Variants in ARFGEF2 observed in about 807,000 individuals in gnomAD.
ARFGEF2 encodes ARF guanine nucleotide exchange factor 2, also known as brefeldin A-inhibited guanine nucleotide-exchange protein 2.
Under a neutral mutation model 219.9 loss-of-function variants are expected in ARFGEF2, and 74 were observed. The ratio of observed to expected loss-of-function variants is 0.34; its 90% CI spans 0.28 to 0.41. ARFGEF2 has a LOEUF of 0.41. Among genes scored for constraint, ARFGEF2 ranks in the 10% least tolerant of loss-of-function variants. The probability of loss-of-function intolerance (pLI) is 1.00; values close to 1 mark genes in which losing one functional copy is unlikely to be tolerated. For synonymous variants in ARFGEF2, 733 were observed against 799.2 expected (o/e 0.92, Z 1.40); for missense variants, 1,743 against 2,218.3 (o/e 0.79, Z 4.30).
intron 1 of ARFGEF2, among the ~76,000 whole-genome samples, chr20:48,937,008 C>T (rs902124537): frequency 3.3e-5 from 5 of 152,046 alleles, no homozygotes; most frequent in Admixed American, 1.3e-4. Flanking sequence ...ATCAAGAACC[C>T]AACTTTTAGG....
intron 10 of ARFGEF2, among the ~76,000 whole-genome samples, chr20:48,971,957 G>T (rs1357939923): frequency 6.6e-6 from 1 of 152,122 alleles, no homozygotes; most frequent in African/African-American, 2.4e-5. Context: ...AACCAATATG[G>T]TCTGTCTGCT....
At chr20:49,023,310 T>C (rs1600555692) in intron 35 of ARFGEF2, 129 bp downstream of exon 35, 2 of 1,259,520 alleles carry the variant, frequency 1.6e-6, no homozygotes, top group East Asian at 2.5e-5. Context: ...CAACCTCACA[T>C]TCAGTGATGG....
At chr20:48,949,322 C>T (rs1298606679) in intron 3 of ARFGEF2, among the ~76,000 whole-genome samples, 1 of 152,180 alleles carries the variant, frequency 6.6e-6, no homozygotes, top group African/African-American at 2.4e-5. Context: ...GTTCCTAGAC[C>T]ACCCCACTTG....
At chr20:48,952,148 C>CTTTTTTTTTT (rs11475141) in intron 4 of ARFGEF2, among the ~76,000 whole-genome samples, 1 of 55,450 alleles carries the variant, frequency 1.8e-5, no homozygotes, top group Non-Finnish European at 3.0e-5. Context: ...GAAGTTTGGC[C>CTTTTTTTTTT]TTTTTTTTTT....
intron 25 of ARFGEF2, among the ~76,000 whole-genome samples, chr20:49,003,375 C>T (rs1217422696): frequency 1.3e-5 from 2 of 151,214 alleles, no homozygotes; most frequent in Non-Finnish European, 2.9e-5. Flanking sequence ...GAGGCTGAGG[C>T]GGTTGGATCA....
intron 14 of ARFGEF2, among the ~76,000 whole-genome samples, chr20:48,982,168 G>T (rs2091299863): frequency 6.6e-6 from 1 of 152,158 alleles, no homozygotes; most frequent in African/African-American, 2.4e-5. Flanking sequence ...TGGGGTTTTG[G>T]TGTGGATGTC....
At chr20:49,011,811 C>T in intron 27 of ARFGEF2, 113 bp from the exon 28 acceptor site, 4 of 1,239,882 alleles carry the variant, frequency 3.2e-6, no homozygotes, top group Non-Finnish European at 4.7e-6. Context: ...TAGATTTTCA[C>T]AGTTAATTAT....
intron 25 of ARFGEF2, among the ~76,000 whole-genome samples, chr20:49,000,580 A>G (rs1029731025): frequency 4.6e-5 from 7 of 152,216 alleles, no homozygotes; most frequent in Admixed American, 6.5e-5. Context: ...AATTGGACCA[A>G]TTGAAATAAT....
In ARFGEF2 at chr20:49,011,919, C is replaced by G. The variant is rs762729146; in HGVS notation, c.3758-5C>G. The stretch of plus-strand genomic sequence containing the variant: ...TTATGAAAAATGTGCCTTGTGTTCC[C>G]CCAGCAACTATTTTCCAGCACCATT... On this transcript the variant is annotated splice_region_variant and splice_polypyrimidine_tract_variant and intron_variant, in intron 27 of 38. Coordinates refer to ENST00000371917, the MANE Select transcript of ARFGEF2 (RefSeq NM_006420.3). 6.2e-7 allele frequency: 1 copy of G among 1,614,048 alleles called. No individual in the cohort carries two copies. Among genetic ancestry groups the G allele is most frequent in the Non-Finnish European group, 8.5e-7 (1 of 1,180,036 alleles).
chr20:49,015,634 C>T (rs1188319380), intron 30 of ARFGEF2, among the ~76,000 whole-genome samples: 1 of 152,178 alleles, frequency 6.6e-6, no homozygotes, highest in Non-Finnish European at 1.5e-5. Flanking sequence ...TGATACGTAC[C>T]ACTAAGCTGA....
At chr20:49,002,545 T>C (rs2091431390) in intron 25 of ARFGEF2, among the ~76,000 whole-genome samples, 1 of 152,224 alleles carries the variant, frequency 6.6e-6, no homozygotes, top group South Asian at 2.1e-4. Flanking sequence ...CATAGTAATG[T>C]CTTCAAGGTT....
intron 10 of ARFGEF2, among the ~76,000 whole-genome samples, chr20:48,972,101 G>A (rs1339299156): frequency 6.6e-6 from 1 of 152,056 alleles, no homozygotes; most frequent in Non-Finnish European, 1.5e-5. Flanking sequence ...TCACAGTATG[G>A]GTCCTGCATT....
intron 24 of ARFGEF2, 21 bp from the exon 25 acceptor site, chr20:48,998,315 G>A (rs1343410158): frequency 2.5e-6 from 4 of 1,614,194 alleles, no homozygotes; most frequent in Non-Finnish European, 3.4e-6. Context: ...CTTTGCTTGT[G>A]TTGTTGGGTC....
chr20:48,941,100 TAAC>T, intron 1 of ARFGEF2, 96 bp from the exon 2 acceptor site: 1 of 1,106,876 alleles, frequency 9.0e-7, no homozygotes, highest in Non-Finnish European at 1.3e-6. Flanking sequence ...AACATCTCGT[TAAC>T]AATCTTTTCA....
intron 1 of ARFGEF2, among the ~76,000 whole-genome samples, chr20:48,932,826 G>A (rs2090921428): frequency 6.6e-6 from 1 of 152,190 alleles, no homozygotes; most frequent in Non-Finnish European, 1.5e-5. Flanking sequence ...GGCTTGGAGT[G>A]GAGGAGGATG....
intron 10 of ARFGEF2, 29 bp from the exon 11 acceptor site, chr20:48,972,297 G>A: frequency 6.6e-7 from 1 of 1,510,578 alleles, no homozygotes; most frequent in Non-Finnish European, 9.2e-7. Flanking sequence ...CTGTTAATTA[G>A]TGTCCTCCTT....
chr20:48,994,429 C>T lies in ARFGEF2; in HGVS notation c.2974-22C>T, dbSNP rs776772721. 33 of 1,613,474 alleles carry T rather than the reference C, an allele frequency of 2.0e-5. No individual in the cohort carries two copies. In the East Asian group the frequency reaches 5.1e-4, roughly 25 times the overall value. On this transcript the variant is annotated intron_variant, in intron 21 of 38. Coordinates refer to ENST00000371917, the MANE Select transcript of ARFGEF2 (RefSeq NM_006420.3). ...CTAGCTGTAAGGTAGGAACTCATTT[C>T]TTCATGCCTTCTTTCTCTTAGATCT...
chr20:49,010,802 C>A (rs1285400699), intron 27 of ARFGEF2, among the ~76,000 whole-genome samples: 2 of 152,222 alleles, frequency 1.3e-5, no homozygotes, highest in African/African-American at 4.8e-5. Context: ...ACTCCACAAC[C>A]AGTACTCATG....
At position 48,938,891 on chromosome 20, in the gene ARFGEF2, T is replaced by G. The variant is rs73909758; in HGVS notation, c.122-2308T>G. Among the ~76,000 whole-genome samples the G allele has an allele frequency of 5.8e-3, 886 of 152,246 alleles. 10 individuals carry two copies. The highest frequency in any genetic ancestry group is 0.02 in the African/African-American group (851 of 41,538). On this transcript the variant is annotated intron_variant, in intron 1 of 38. Coordinates refer to ENST00000371917, the MANE Select transcript of ARFGEF2 (RefSeq NM_006420.3). ...TCTTTGATCTTACACCCACCGTGTT[T>G]TTTCTTGACATTTCCCGTCTGGCCT...
Sources: allele counts gnomAD v4.1 joint callset (sites outside exome capture counted in the v4.1 genomes callset), GRCh38; gene constraint gnomAD v4.1.1; transcripts MANE v1.5; gene names NCBI Gene and HGNC (gene_info 2026-07-23, HGNC 2026-07-21).